The following CNTLN variants were observed in gnomAD, a reference collection of about 807,000 sequenced individuals.
The protein encoded by CNTLN is centlein.
In CNTLN, 212 loss-of-function variants were observed where a neutral mutation model predicts 180.0. That is an observed-to-expected ratio of 1.18 (90% CI 1.05 to 1.32). CNTLN has a LOEUF of 1.32. Among genes scored for constraint, CNTLN ranks in the 40% most tolerant of loss-of-function variants. The pLI is 0.00. For missense variants in CNTLN, 2,095 were observed against 1,610.9 expected, an observed-to-expected ratio of 1.30 and a Z score of -5.14; for synonymous variants, 722 against 563.1, an observed-to-expected ratio of 1.28 and a Z score of -3.99.
chr9:17,436,149 A>T (rs1037690680), intron 18 of CNTLN, among the ~76,000 whole-genome samples: 2 of 152,200 alleles, frequency 1.3e-5, no homozygotes, highest in Admixed American at 6.5e-5. Flanking sequence ...CCCACACCAT[A>T]ATTTGATAAA....
chr9:17,420,378 A>G (rs1427301711), intron 18 of CNTLN, among the ~76,000 whole-genome samples: 1 of 152,176 alleles, frequency 6.6e-6, no homozygotes, highest in African/African-American at 2.4e-5. Flanking sequence ...GCCACTAACA[A>G]TGCTTTAAAT....
intron 5 of CNTLN, among the ~76,000 whole-genome samples, chr9:17,265,923 C>G (rs1338414196): frequency 2.1e-5 from 3 of 144,822 alleles, no homozygotes; most frequent in East Asian, 3.4e-4. Flanking sequence ...TTTGATTCTT[C>G]TCTCTTTTTT....
At chr9:17,340,414 C>T (rs1821385909) in intron 10 of CNTLN, among the ~76,000 whole-genome samples, 1 of 152,062 alleles carries the variant, frequency 6.6e-6, no homozygotes, top group Admixed American at 6.6e-5. Flanking sequence ...AATAATTGTT[C>T]TTACTCTGAT....
At chr9:17,430,282 A>T (rs531131750) in intron 18 of CNTLN, among the ~76,000 whole-genome samples, 4 of 151,996 alleles carry the variant, frequency 2.6e-5, no homozygotes, top group Non-Finnish European at 4.4e-5. Context: ...GATTTCCTAT[A>T]ATAAACTACT....
chr9:17,343,174 GC>G (rs1381716528), intron 12 of CNTLN, among the ~76,000 whole-genome samples: 6 of 152,098 alleles, frequency 3.9e-5, no homozygotes, highest in African/African-American at 1.4e-4. Flanking sequence ...TAATTCACAG[GC>G]TATTATATTC....
chr9:17,471,904 A>G (rs1201007976), intron 23 of CNTLN, among the ~76,000 whole-genome samples: 2 of 152,104 alleles, frequency 1.3e-5, no homozygotes, highest in Non-Finnish European at 2.9e-5. Flanking sequence ...GAGACCCAAC[A>G]TGTAAATACA....
downstream of CNTLN, among the ~76,000 whole-genome samples, chr9:17,504,342 T>G (rs1833892258): frequency 1.3e-5 from 2 of 152,202 alleles, no homozygotes; most frequent in African/African-American, 4.8e-5. Flanking sequence ...AATAAAAAAT[T>G]ACAAAACTTA....
intron 7 of CNTLN, among the ~76,000 whole-genome samples, 187 bp from the exon 8 acceptor site, chr9:17,308,869 CAT>C (rs1416433183): frequency 1.5e-5 from 2 of 132,340 alleles, no homozygotes; most frequent in Admixed American, 8.6e-5. Flanking sequence ...AAATATTAAA[CAT>C]ATTATTATAT....
intron 18 of CNTLN, among the ~76,000 whole-genome samples, chr9:17,421,171 G>A (rs1472484859): frequency 3.9e-5 from 6 of 152,090 alleles, no homozygotes; most frequent in Non-Finnish European, 1.5e-5. Flanking sequence ...GAGATCTCCA[G>A]CTATTATTGT....
chr9:17,493,415 A>T (rs1416428058), intron 25 of CNTLN, among the ~76,000 whole-genome samples: 1 of 152,148 alleles, frequency 6.6e-6, no homozygotes, highest in Non-Finnish European at 1.5e-5. Context: ...CCTTCTAGAT[A>T]GACAAGTTCC....
chr9:17,345,912 A>G (rs1368510890), intron 12 of CNTLN, among the ~76,000 whole-genome samples: 1 of 152,072 alleles, frequency 6.6e-6, no homozygotes, highest in East Asian at 1.9e-4. Context: ...GTTTTCTTTC[A>G]GTTTGAAGAA....
At chr9:17,512,766 T>C in the CNTLN span, among the ~76,000 whole-genome samples, 2,421 of 152,244 alleles carry the variant, frequency 0.016, 77 homozygotes, top group African/African-American at 0.055. Context: ...GAGAGAGGAC[T>C]GGGAGCTCTG....
chr9:17,226,370 A>G (rs534976877), intron 3 of CNTLN, 83 bp downstream of exon 3: 33 of 721,260 alleles, frequency 4.6e-5, no homozygotes, highest in Middle Eastern at 3.4e-4. Flanking sequence ...TTTTTTTGCA[A>G]TAGTGTTTAT....
At chr9:17,188,035 C>T (rs1821545906) in intron 2 of CNTLN, among the ~76,000 whole-genome samples, 1 of 145,788 alleles carries the variant, frequency 6.9e-6, no homozygotes. Flanking sequence ...TATATATACA[C>T]AGCATATTTA....
At chr9:17,211,693 A>T (rs1184203732) in intron 2 of CNTLN, among the ~76,000 whole-genome samples, 1 of 151,994 alleles carries the variant, frequency 6.6e-6, no homozygotes, top group Non-Finnish European at 1.5e-5. Flanking sequence ...ATGAGCATGG[A>T]ATGTTCTTCC....
At chr9:17,346,990 C>T (rs1390957687) in intron 12 of CNTLN, among the ~76,000 whole-genome samples, 2 of 152,258 alleles carry the variant, frequency 1.3e-5, no homozygotes, top group South Asian at 4.1e-4. Context: ...CTGATTGTCT[C>T]TTCTCTCATG....
At chr9:17,436,794 C>G (rs1829804036) in intron 18 of CNTLN, among the ~76,000 whole-genome samples, 1 of 152,138 alleles carries the variant, frequency 6.6e-6, no homozygotes. Context: ...TTTAAATAGC[C>G]TCATTTCCGT....
chr9:17,260,279 A>T (rs1009523579), intron 5 of CNTLN, among the ~76,000 whole-genome samples: 1 of 149,764 alleles, frequency 6.7e-6, no homozygotes, highest in African/African-American at 2.5e-5. Flanking sequence ...CATGTAGTTG[A>T]GCGGTTTTGA....
chr9:17,207,070 C>T (rs959220552), intron 2 of CNTLN, among the ~76,000 whole-genome samples: 6 of 151,908 alleles, frequency 3.9e-5, no homozygotes, highest in Admixed American at 1.3e-4. Context: ...CTGGTGAGTG[C>T]GGTGTCTGAC....
Sources: allele counts gnomAD v4.1 joint callset (sites outside exome capture counted in the v4.1 genomes callset), GRCh38; gene constraint gnomAD v4.1.1; transcripts MANE v1.5; gene names NCBI Gene and HGNC (gene_info 2026-07-23, HGNC 2026-07-21).